The following SPOCK1 variants were observed in gnomAD, a reference collection of about 807,000 sequenced individuals.
The protein encoded by SPOCK1 is SPARC (osteonectin), cwcv and kazal like domains proteoglycan 1.
Under a neutral mutation model 55.3 loss-of-function variants are expected in SPOCK1, and 23 were observed. The observed-to-expected ratio is 0.42, with a 90% CI of 0.30 to 0.59. The LOEUF (loss-of-function observed/expected upper bound fraction) is 0.59. Among genes scored for constraint, SPOCK1 ranks in the 20% least tolerant of loss-of-function variants. The pLI, the probability that SPOCK1 is intolerant of heterozygous loss-of-function variation, is 0.22. For synonymous variants in SPOCK1, 226 were observed against 221.0 expected (o/e 1.02, Z -0.20); for missense variants, 499 against 552.5 (o/e 0.90, Z 0.97).
At chr5:137,410,149 C>A (rs569250703) in intron 2 of SPOCK1, among the ~76,000 whole-genome samples, 3 of 152,356 alleles carry the variant, frequency 2.0e-5, no homozygotes, top group Non-Finnish European at 4.4e-5. Context: ...CTTTGCAAGC[C>A]TTCCCATTTT....
At chr5:137,474,929 T>C (rs532338088) in intron 2 of SPOCK1, among the ~76,000 whole-genome samples, 1 of 152,182 alleles carries the variant, frequency 6.6e-6, no homozygotes, top group Non-Finnish European at 1.5e-5. Flanking sequence ...CATTAATGCA[T>C]GCTAAAGTAT....
chr5:137,012,630 G>T lies in SPOCK1; in HGVS notation c.590-20030C>A, dbSNP rs567582286. ...CAGGTCCCAAACTCTCAGCCAGAAG[G>T]TTCTATAATAGTTAATCTAATAATT... On this transcript the variant is annotated intron_variant, in intron 6 of 10. Transcript: ENST00000394945. 7.8e-4 allele frequency among the ~76,000 whole-genome samples: 119 copies of T among 152,246 alleles called. 1 individual carries two copies. The highest frequency in any genetic ancestry group is 2.8e-3 in the African/African-American group (116 of 41,552).
At chr5:137,477,020 T>G (rs1179203537) in intron 2 of SPOCK1, among the ~76,000 whole-genome samples, 5 of 152,196 alleles carry the variant, frequency 3.3e-5, no homozygotes. Flanking sequence ...GAACAAAGAT[T>G]TAATCACCGA....
intron 2 of SPOCK1, among the ~76,000 whole-genome samples, chr5:137,373,691 T>C (rs1210867980): frequency 6.6e-6 from 1 of 152,172 alleles, no homozygotes; most frequent in African/African-American, 2.4e-5. Flanking sequence ...CAGGTACATA[T>C]AAACACTGAG....
At chr5:137,215,988 C>G (rs530343682) in intron 3 of SPOCK1, among the ~76,000 whole-genome samples, 174 of 152,300 alleles carry the variant, frequency 1.1e-3, no homozygotes, top group Non-Finnish European at 1.5e-3. Context: ...AAAGTCAAAG[C>G]CTGGCCCCTC....
chr5:137,483,102 G>A (rs1242316660), intron 2 of SPOCK1, among the ~76,000 whole-genome samples: 1 of 152,220 alleles, frequency 6.6e-6, no homozygotes, highest in East Asian at 1.9e-4. Flanking sequence ...GAAGGCCGAG[G>A]CGGGTGGATC....
intron 6 of SPOCK1, among the ~76,000 whole-genome samples, chr5:137,044,618 T>C (rs989144790): frequency 3.9e-5 from 6 of 152,084 alleles, no homozygotes; most frequent in Non-Finnish European, 8.8e-5. Context: ...TTAGCAACAG[T>C]GAGACATAAA....
chr5:136,976,661 T>C lies in SPOCK1; in HGVS notation c.*1993A>G, dbSNP rs1750620205. 6.6e-6 allele frequency: 1 copy of C among 152,628 alleles called. No homozygotes were observed. Among genetic ancestry groups the C allele is most frequent in the Non-Finnish European group, 1.5e-5 (1 of 68,036 alleles). The allele number at this position is 152,628 out of a possible 1,614,324, so 9.5% of individuals were successfully genotyped here. ...TGTTTTCTAAATTATCTCAGTTTTG[T>C]TCAAGAGAGAAAAAAAATATTGAAA... On this transcript the variant is annotated 3_prime_UTR_variant, in exon 11 of 11. Transcript: ENST00000394945.
rs114684747 is a variant in SPOCK1, at chr5:137,028,271, C to T, written c.590-35671G>A. On this transcript the variant is annotated intron_variant, in intron 6 of 10. Coordinates refer to ENST00000394945, the MANE Select transcript of SPOCK1 (RefSeq NM_004598.4). ...ATGAAACAGAGTAGAAAAGTCACCT[C>T]AGCCAGGCTCTTACTGGGCAAAATG... Among the ~76,000 whole-genome samples the T allele has an allele frequency of 9.1e-3, 1,382 of 152,312 alleles. 5 individuals are homozygous for T. Among genetic ancestry groups the T allele is most frequent in the Middle Eastern group, 0.071 (21 of 294 alleles).
intron 2 of SPOCK1, among the ~76,000 whole-genome samples, chr5:137,384,416 T>A (rs988104376): frequency 1.3e-5 from 2 of 152,176 alleles, no homozygotes; most frequent in African/African-American, 4.8e-5. Flanking sequence ...TCACCAGGTA[T>A]GCCACCATGG....
chr5:137,433,210 C>G (rs62374221), intron 2 of SPOCK1, among the ~76,000 whole-genome samples: 2 of 152,178 alleles, frequency 1.3e-5, no homozygotes, highest in South Asian at 4.1e-4. Context: ...AAACCAGAAC[C>G]TTTATTGCTG....
intron 2 of SPOCK1, among the ~76,000 whole-genome samples, chr5:137,324,620 T>C (rs560332919): frequency 6.6e-6 from 1 of 152,236 alleles, no homozygotes; most frequent in South Asian, 2.1e-4. Flanking sequence ...GGCTGCAGAA[T>C]GAAGCAGAAG....
At chr5:136,983,736 C>G (rs571339432) in intron 9 of SPOCK1, among the ~76,000 whole-genome samples, 20 of 151,760 alleles carry the variant, frequency 1.3e-4, no homozygotes, top group Admixed American at 5.3e-4. Context: ...ATTTATTTGA[C>G]TCTGTATACC....
intron 2 of SPOCK1, among the ~76,000 whole-genome samples, chr5:137,384,597 C>A (rs1002801549): frequency 2.4e-5 from 3 of 126,366 alleles, no homozygotes; most frequent in African/African-American, 1.3e-4. Context: ...TTTTTTTTTC[C>A]CCCTGGAGGC....
chr5:137,187,608 C>A (rs1392611625), intron 3 of SPOCK1, among the ~76,000 whole-genome samples: 2 of 152,140 alleles, frequency 1.3e-5, no homozygotes, highest in Admixed American at 6.5e-5. Context: ...GTAACTCATA[C>A]ATGTATGGAG....
chr5:137,377,589 A>C (rs969296384), intron 2 of SPOCK1, among the ~76,000 whole-genome samples: 1 of 152,196 alleles, frequency 6.6e-6, no homozygotes, highest in African/African-American at 2.4e-5. Flanking sequence ...TATTTTTTTT[A>C]ATCTACAAGG....
chr5:137,338,807 T>C (rs1750347835), intron 2 of SPOCK1, among the ~76,000 whole-genome samples: 1 of 152,212 alleles, frequency 6.6e-6, no homozygotes, highest in African/African-American at 2.4e-5. Flanking sequence ...TTTGGCCGCA[T>C]AAATGTCTTC....
intron 5 of SPOCK1, among the ~76,000 whole-genome samples, chr5:137,110,707 C>T (rs1753451120): frequency 6.6e-6 from 1 of 152,182 alleles, no homozygotes; most frequent in Non-Finnish European, 1.5e-5. Context: ...ATTTCTAACT[C>T]ACAGAACAGG....
intron 2 of SPOCK1, among the ~76,000 whole-genome samples, chr5:137,419,693 G>A (rs1752440427): frequency 6.6e-6 from 1 of 152,186 alleles, no homozygotes; most frequent in Non-Finnish European, 1.5e-5. Context: ...AGCTTAAGGA[G>A]ATTTTGGGCT....
Sources: gnomAD v4.1 joint callset for allele counts (sites outside exome capture counted in the v4.1 genomes callset) on GRCh38, gnomAD v4.1.1 for gene constraint, MANE v1.5 for transcripts, NCBI Gene and HGNC (gene_info 2026-07-23, HGNC 2026-07-21) for gene names.